Variants in GFAP observed in about 807,000 individuals in gnomAD.
GFAP encodes glial fibrillary acidic protein, also known as intermediate filament protein.
A neutral mutation model predicts 49.3 loss-of-function variants in GFAP; 38 were observed. The observed-to-expected ratio is 0.77, with a 90% confidence interval of 0.60 to 1.01. GFAP has a LOEUF of 1.01. Among genes scored for constraint, GFAP ranks in the 50% least tolerant of loss-of-function variants. The pLI is 0.00. For synonymous variants in GFAP, 222 were observed against 236.4 expected (o/e 0.94, Z 0.56); for missense variants, 463 against 579.1 (o/e 0.80, Z 2.06).
intron 4 of GFAP, chr17:44,912,871 G>C: frequency 3.5e-6 from 1 of 281,828 alleles, no homozygotes; most frequent in Non-Finnish European, 7.0e-6. Context: ...TGGAATGCAG[G>C]CTCCCAAGTG....
Position 44,904,184 on chromosome 17 carries a change from G to A in GFAP, c.*3163C>T. On this transcript the variant is annotated 3_prime_UTR_variant, in exon 9 of 9. Coordinates refer to ENST00000588735, the MANE Select transcript of GFAP (RefSeq NM_002055.5). Reference sequence around the variant, plus strand: ...GTTGGTTTTCAGGGCTCAGTCTGAGGACTCAGGCCTGTACTTCTGCGGCAC... The same window carrying A: ...GTTGGTTTTCAGGGCTCAGTCTGAGAACTCAGGCCTGTACTTCTGCGGCAC... 2 of 1,550,524 alleles carry A rather than the reference G, an allele frequency of 1.3e-6. No homozygotes were observed. Among genetic ancestry groups the A allele is most frequent in the Non-Finnish European group, 8.7e-7 (1 of 1,146,964 alleles).
At position 44,904,730 on chromosome 17, in the gene GFAP, G is replaced by A. The variant is rs1156526355; in HGVS notation, c.*2617C>T. On this transcript the variant is annotated 3_prime_UTR_variant, in exon 9 of 9. Coordinates refer to ENST00000588735, the MANE Select transcript of GFAP (RefSeq NM_002055.5). ...CCGGCCAGAGCATGCAGTGGCCTGGGACAAAGACCGCCAGCACCTCTACCG... is the reference window on the plus strand; with the variant it reads ...CCGGCCAGAGCATGCAGTGGCCTGGAACAAAGACCGCCAGCACCTCTACCG... 6.4e-7 allele frequency: 1 copy of A among 1,550,554 alleles called. No homozygotes were observed. The highest frequency in any genetic ancestry group is 8.7e-7 in the Non-Finnish European group (1 of 1,147,000).
chr17:44,903,397 G>A lies in GFAP; in HGVS notation c.*3950C>T. ...GCCTCCCGGATGGCCAGATATGCAG[G>A]AGGGTGGGTTTCCTTCATCCCCCAG... On this transcript the variant is annotated 3_prime_UTR_variant, in exon 9 of 9. Coordinates refer to ENST00000588735, the MANE Select transcript of GFAP (RefSeq NM_002055.5). 8.0e-7 allele frequency: 1 copy of A among 1,251,916 alleles called. No individual in the cohort carries two copies. Among genetic ancestry groups the A allele is most frequent in the Non-Finnish European group, 1.0e-6 (1 of 999,812 alleles). 77.6% of individuals were successfully genotyped at this position (1,251,916 alleles called of 1,614,324 possible). A position where few individuals can be genotyped will look rare whatever the true frequency, so the allele number is the denominator to read the frequency against.
Position 44,913,531 on chromosome 17 carries a change from G to A in GFAP, c.619-101C>T, listed in dbSNP as rs1442451699. Reference sequence around the variant, plus strand: ...TCTTCTGCCTGCCCCTCGGCCAGGAGTTCGAATGCTCTCTTGTCTCTTTCC... The same window carrying A: ...TCTTCTGCCTGCCCCTCGGCCAGGAATTCGAATGCTCTCTTGTCTCTTTCC... On this transcript the variant is annotated intron_variant, in intron 3 of 8. Transcript: ENST00000588735. 3.9e-6 allele frequency: 5 copies of A among 1,287,280 alleles called. No individual in the cohort carries two copies. The African/African-American group carries it at 4.4e-5, about 11-fold the overall frequency. 79.7% of individuals were successfully genotyped at this position (1,287,280 alleles called of 1,614,324 possible). A position where few individuals can be genotyped will look rare whatever the true frequency, so the allele number is the denominator to read the frequency against.
chr17:44,908,468 A>G, intron 7 of GFAP: 1 of 229,880 alleles, frequency 4.4e-6, no homozygotes. Flanking sequence ...GGTGGCTCAC[A>G]CCTATAATGC....
At chr17:44,913,507 C>G (rs2051823986) in intron 3 of GFAP, 77 bp from the exon 4 acceptor site, 1 of 1,473,716 alleles carries the variant, frequency 6.8e-7, no homozygotes, top group African/African-American at 1.4e-5. Context: ...ATTGTGTCCT[C>G]TTCTGCCTGC....
rs764515465 is a variant in GFAP at position 44,910,270 on chromosome 17, C to T, written c.1171+345G>A. 1.9e-6 allele frequency: 3 copies of T among 1,613,902 alleles called. No homozygotes were observed. In the South Asian group the frequency reaches 3.3e-5, roughly 18 times the overall value. On this transcript the variant is annotated intron_variant, in intron 7 of 8. Transcript: ENST00000588735. The stretch of plus-strand genomic sequence containing the variant: ...TTGGTGCTTTTGCCCCCTGTAGTGA[C>T]AAGCAGTTAAAAAAACAAAAACAGA...
At position 44,910,661 on chromosome 17, in the gene GFAP, G is replaced by A. The variant is rs1176683819; in HGVS notation, c.1128-3C>T. ...AGGTCTGCACGGGAATGGTGATCCT[G>A]AAAGAAAGCAGAGGGAGAGGGCTGC... On this transcript the variant is annotated splice_polypyrimidine_tract_variant and splice_region_variant and intron_variant, in intron 6 of 8. Coordinates refer to ENST00000588735, the MANE Select transcript of GFAP (RefSeq NM_002055.5). The A allele has an allele frequency of 6.3e-7, 1 of 1,586,578 alleles. No individual in the cohort carries two copies. Among genetic ancestry groups the A allele is most frequent in the Non-Finnish European group, 8.6e-7 (1 of 1,166,502 alleles).
Position 44,907,107 on chromosome 17 carries a change from C to A in GFAP, c.*240G>T. 1.7e-6 allele frequency: 1 copy of A among 596,082 alleles called. No individual in the cohort carries two copies. The highest frequency in any genetic ancestry group is 3.0e-6 in the Non-Finnish European group (1 of 331,816). 36.9% of individuals were successfully genotyped at this position (596,082 alleles called of 1,614,324 possible). ...CTGGCCATGCCCCTCCAGACTGCCC[C>A]TTGGGGGTGAGTTTCTTGTTAGTTG... On this transcript the variant is annotated 3_prime_UTR_variant, in exon 9 of 9. Coordinates refer to ENST00000588735, the MANE Select transcript of GFAP (RefSeq NM_002055.5).
intron 3 of GFAP, 145 bp downstream of exon 3, chr17:44,913,582 TC>T (rs1314741365): frequency 9.3e-7 from 1 of 1,072,798 alleles, no homozygotes. Context: ...TTTCTGTTTG[TC>T]TTTCATTTCC....
At position 44,911,717 on chromosome 17, in the gene GFAP, G is replaced by T. The variant is rs752364004; in HGVS notation, c.861C>A (p.Arg287=). The T allele has an allele frequency of 1.2e-6, 2 of 1,613,838 alleles. No individual in the cohort carries two copies. The highest frequency in any genetic ancestry group is 1.7e-6 in the Non-Finnish European group (2 of 1,179,992). Residue 287 remains arginine, a synonymous_variant, in exon 5 of 9, where the codon CGC becomes CGA. Transcript: ENST00000588735. The part of the protein sequence containing the change: ...QAKHEANDYR[R]QLQSLTCDLE... Reference sequence around the variant, plus strand: ...GGTCGCAGGTCAAGGACTGCAACTGGCGCCGGTAGTCGTTGGCTTCGTGCT... The same window carrying T: ...GGTCGCAGGTCAAGGACTGCAACTGTCGCCGGTAGTCGTTGGCTTCGTGCT...
At chr17:44,907,442 C>T in intron 8 of GFAP, 54 bp from the exon 9 acceptor site, 1 of 1,246,924 alleles carries the variant, frequency 8.0e-7, no homozygotes, top group Non-Finnish European at 1.2e-6. Flanking sequence ...CACACAGACC[C>T]CAGGTCCACC....
At position 44,904,519 on chromosome 17, in the gene GFAP, C is replaced by G; in HGVS notation, c.*2828G>C. The G allele has an allele frequency of 6.5e-7, 1 of 1,550,244 alleles. No homozygotes were observed. Among genetic ancestry groups the G allele is most frequent in the South Asian group, 1.2e-5 (1 of 84,034 alleles). ...AGCTGCGGACCAAGGCCAGGGACCA[C>G]ACGCCTGAGGTGCTGGTTCGGAGCT... On this transcript the variant is annotated 3_prime_UTR_variant, in exon 9 of 9. Transcript: ENST00000588735.
At position 44,905,454 on chromosome 17, in the gene GFAP, A is replaced by C. The variant is rs1206104881; in HGVS notation, c.*1893T>G. The C allele has an allele frequency of 5.0e-6, 1 of 201,726 alleles. No individual in the cohort carries two copies. Among genetic ancestry groups the C allele is most frequent in the Non-Finnish European group, 1.1e-5 (1 of 91,900 alleles). 12.5% of individuals were successfully genotyped at this position (201,726 alleles called of 1,614,324 possible). A position where few individuals can be genotyped will look rare whatever the true frequency, so the allele number is the denominator to read the frequency against. On this transcript the variant is annotated 3_prime_UTR_variant, in exon 9 of 9. Coordinates refer to ENST00000588735, the MANE Select transcript of GFAP (RefSeq NM_002055.5). Reference sequence around the variant, plus strand: ...TGGTTGAGTTGCAGGTAGCAGGGAGAGGAAGGAAGAAAAGAGTGGAGGGAG... The same window carrying C: ...TGGTTGAGTTGCAGGTAGCAGGGAGCGGAAGGAAGAAAAGAGTGGAGGGAG...
In GFAP at chr17:44,903,661, T is replaced by C; in HGVS notation, c.*3686A>G. The C allele has an allele frequency of 1.2e-5, 17 of 1,433,904 alleles. No individual in the cohort carries two copies. Among genetic ancestry groups the C allele is most frequent in the Non-Finnish European group, 1.5e-5 (16 of 1,100,146 alleles). The allele number at this position is 1,433,904 out of a possible 1,614,324, so 88.8% of individuals were successfully genotyped here. A position where few individuals can be genotyped will look rare whatever the true frequency, so the allele number is the denominator to read the frequency against. ...GGGCATCTTGTACATCCACTGGGAA[T>C]AAATTGCCTTGCACTTGGCGGCTTC... is the stretch of plus-strand genomic sequence containing the variant. On this transcript the variant is annotated 3_prime_UTR_variant, in exon 9 of 9. Coordinates refer to ENST00000588735, the MANE Select transcript of GFAP (RefSeq NM_002055.5).
chr17:44,908,721 C>T (rs945440609), intron 7 of GFAP: 1 of 152,426 alleles, frequency 6.6e-6, no homozygotes, highest in Non-Finnish European at 1.5e-5. Context: ...ATTAGTCAGG[C>T]ATGGTGACAG....
chr17:44,912,117 T>G (rs941125758), intron 4 of GFAP, among the ~76,000 whole-genome samples: 1 of 151,366 alleles, frequency 6.6e-6, no homozygotes, highest in Non-Finnish European at 1.5e-5. Flanking sequence ...TGTTTTTGTT[T>G]TTTTGTTTTT....
At position 44,905,026 on chromosome 17, in the gene GFAP, TTGC is replaced by T. The variant is rs1292616525; in HGVS notation, c.*2318_*2320del. On this transcript the variant is annotated 3_prime_UTR_variant, in exon 9 of 9. Transcript: ENST00000588735. ...TCTTTGTCACCATTCACTTCTGTCG[TTGC>T]TGCTGCTACTTATTTCACTGTTGTC... 6.5e-7 allele frequency: 1 copy of T among 1,549,504 alleles called. No homozygotes were observed. Among genetic ancestry groups the T allele is most frequent in the Non-Finnish European group, 8.7e-7 (1 of 1,145,924 alleles).
Position 44,908,066 on chromosome 17 carries a change from C to T in GFAP, c.1255G>A (p.Glu419Lys), listed in dbSNP as rs1264917652. The T allele has an allele frequency of 6.2e-7, 1 of 1,604,044 alleles. No individual in the cohort carries two copies. Among genetic ancestry groups the T allele is most frequent in the Non-Finnish European group, 8.5e-7 (1 of 1,171,084 alleles). ...ACTGGGCCCAAATCCCTCCTTACCT[C>T]TCCATCCCGCATCTCCACGGTCTTC... is the stretch of plus-strand genomic sequence containing the variant. ...VVKTVEMRDG[E>K]VIKESKQEHK... Residue 419 changes from glutamate (E) to lysine (K), a missense_variant and splice_region_variant, in exon 8 of 9, where the codon GAG (glutamate) becomes AAG (lysine). By Grantham distance (56) the Glu-to-Lys change is moderately conservative. This residue lies in a region of GFAP where 362 missense variants were observed against 445.5 expected (regional missense o/e 0.81). Transcript: ENST00000588735.
Sources: allele counts gnomAD v4.1 joint callset (sites outside exome capture counted in the v4.1 genomes callset), GRCh38; gene constraint gnomAD v4.1.1; regional missense constraint gnomAD v4.1.1; transcripts MANE v1.5; gene names NCBI Gene and HGNC (gene_info 2026-07-23, HGNC 2026-07-21).